EIF2D: variants seen among roughly 807,000 people sequenced by gnomAD.
EIF2D encodes the protein hepatocellular carcinoma-associated antigen 56.
EIF2D carries 56 observed loss-of-function variants against 77.4 expected under a neutral mutation model. That is an observed-to-expected ratio of 0.72 (90% CI 0.58 to 0.90). The LOEUF is 0.90. EIF2D is among the 40% of genes least tolerant of loss of function. EIF2D has a pLI of 0.00. For synonymous variants in EIF2D, 230 were observed against 271.0 expected, an observed-to-expected ratio of 0.85 and a Z score of 1.49; for missense variants, 574 against 706.5, an observed-to-expected ratio of 0.81 and a Z score of 2.13.
In EIF2D at chr1:206,599,415, G is replaced by C; in HGVS notation, c.1202+48C>G. 6.2e-7 allele frequency: 1 copy of C among 1,605,480 alleles called. No homozygotes were observed. Among genetic ancestry groups the C allele is most frequent in the Non-Finnish European group, 8.5e-7 (1 of 1,176,548 alleles). On this transcript the variant is annotated intron_variant, in intron 10 of 14. Coordinates refer to ENST00000271764, the MANE Select transcript of EIF2D (RefSeq NM_006893.3). The surrounding 1 kb of genome is among the most constrained non-coding windows in gnomAD (Gnocchi z 4.1). ...ACTACTCAGGTTGAGAGGAACTGTA[G>C]GCCAGAACACCAAGCAGGCAGAGAA... is the stretch of plus-strand genomic sequence containing the variant.
At chr1:206,602,685 G>A in intron 6 of EIF2D, 1 of 643,128 alleles carries the variant, frequency 1.6e-6, no homozygotes, top group Admixed American at 3.0e-5. Flanking sequence ...ACCCAGAGAA[G>A]TTGAGCCAGA....
chr1:206,605,155 A>G (rs1670139630), intron 5 of EIF2D: 1 of 365,754 alleles, frequency 2.7e-6, no homozygotes, highest in Admixed American at 4.2e-5. Context: ...AGAGCAGATG[A>G]TCCCTAAGGT....
At chr1:206,611,437 C>T (rs528382804) in intron 1 of EIF2D, 63 bp from the exon 2 acceptor site, 13 of 1,447,566 alleles carry the variant, frequency 9.0e-6, no homozygotes, top group African/African-American at 5.6e-5. Flanking sequence ...ATATCAAGAA[C>T]GAACTCAAAA....
At chr1:206,575,991 C>T (rs1553405129) in intron 4 of EIF2D, among the ~76,000 whole-genome samples, 1 of 152,180 alleles carries the variant, frequency 6.6e-6, no homozygotes, top group Non-Finnish European at 1.5e-5. Flanking sequence ...TCTTGCCCTC[C>T]CCTGCCACCC....
At chr1:206,582,465 G>T (rs1490693634) in intron 2 of EIF2D, among the ~76,000 whole-genome samples, 5 of 152,198 alleles carry the variant, frequency 3.3e-5, no homozygotes, top group African/African-American at 1.2e-4. Flanking sequence ...AGTCTCACCT[G>T]TAAGATGGGG....
rs569290611 is a variant in EIF2D at position 206,602,848 on chromosome 1, C to G, written c.784+103G>C. 8 of 1,490,520 alleles carry G rather than the reference C, an allele frequency of 5.4e-6. No homozygotes were observed. The African/African-American group carries it at 8.4e-5, about 16-fold the overall frequency. 92.3% of individuals were successfully genotyped at this position (1,490,520 alleles called of 1,614,324 possible). On this transcript the variant is annotated intron_variant, in intron 6 of 14. Transcript: ENST00000271764. Reference sequence around the variant, plus strand: ...AGAAAATAAGGACCTTCCCCTCCTCCCCCGGAAGCTTAAGGGCCATTCTAG... The same window carrying G: ...AGAAAATAAGGACCTTCCCCTCCTCGCCCGGAAGCTTAAGGGCCATTCTAG...
intron 4 of EIF2D, among the ~76,000 whole-genome samples, chr1:206,575,977 G>T (rs1668634073): frequency 1.3e-5 from 2 of 152,308 alleles, no homozygotes; most frequent in South Asian, 4.1e-4. Flanking sequence ...GACTCCCCAG[G>T]CTGTCTTGCC....
chr1:206,578,444 C>T (rs957659698), intron 4 of EIF2D, among the ~76,000 whole-genome samples: 8 of 151,940 alleles, frequency 5.3e-5, no homozygotes, highest in Admixed American at 1.3e-4. Flanking sequence ...GAATAGTGCA[C>T]GGTACATATT....
chr1:206,579,502 A>G lies in EIF2D; in HGVS notation c.*254+1190T>C, dbSNP rs1363787921. On this transcript the variant is annotated intron_variant and NMD_transcript_variant, in intron 4 of 5. Coordinates refer to the EIF2D transcript ENST00000472709. This position sits in a 1 kb window ranked among gnomAD's most constrained non-coding sequence, Gnocchi z 4.2. Reference sequence around the variant, plus strand: ...TATCGATCTCGCTCTCATGGCAGATAGTGCCTGTTAGGTAAACCTTTGGGG... The same window carrying G: ...TATCGATCTCGCTCTCATGGCAGATGGTGCCTGTTAGGTAAACCTTTGGGG... Among the ~76,000 whole-genome samples, 2 of 152,200 alleles carry G rather than the reference A, an allele frequency of 1.3e-5. No homozygotes were observed. Among genetic ancestry groups the G allele is most frequent in the Non-Finnish European group, 1.5e-5 (1 of 68,038 alleles).
chr1:206,574,338 C>T (rs1553404761), intron 4 of EIF2D, among the ~76,000 whole-genome samples: 1 of 152,206 alleles, frequency 6.6e-6, no homozygotes, highest in Non-Finnish European at 1.5e-5. Flanking sequence ...TCTCAGGTCA[C>T]CTGCAGACTC....
intron 14 of EIF2D, 53 bp downstream of exon 14, chr1:206,593,566 A>G: frequency 1.4e-6 from 2 of 1,440,264 alleles, no homozygotes; most frequent in Admixed American, 3.8e-5. Flanking sequence ...AGTTGGCAGG[A>G]AGGTCTTTGC....
chr1:206,602,209 T>C (rs1553411407), intron 7 of EIF2D, 127 bp downstream of exon 7: 2 of 673,780 alleles, frequency 3.0e-6, no homozygotes, highest in African/African-American at 3.6e-5. Context: ...CAGATAAGCC[T>C]TCCCTCCACT....
chr1:206,603,327 G>T, intron 5 of EIF2D, 123 bp from the exon 6 acceptor site: 1 of 1,345,240 alleles, frequency 7.4e-7, no homozygotes, highest in Non-Finnish European at 1.0e-6. Context: ...TGGCCAGGAG[G>T]GGGCAGAGAG....
In EIF2D at chr1:206,599,501, T is replaced by G; in HGVS notation, c.1164A>C (p.Pro388=). 2 of 1,613,888 alleles carry G rather than the reference T, an allele frequency of 1.2e-6. No homozygotes were observed. Among genetic ancestry groups the G allele is most frequent in the Non-Finnish European group, 1.7e-6 (2 of 1,179,900 alleles). Residue 388 remains proline, a synonymous_variant, in exon 10 of 15, where the codon CCA becomes CCC. Transcript: ENST00000271764. This position sits in a 1 kb window ranked among gnomAD's most constrained non-coding sequence, Gnocchi z 4.1. The part of the protein sequence containing the change: ...PPDIKPLYCV[P]ASMTLLFQES... ...CCTGGAAGAGCAGGGTCATGCTGGC[T>G]GGGACACAGTAGAGGGGTTTTATAT...
chr1:206,592,340 G>A lies in EIF2D; in HGVS notation c.1685-495C>T, dbSNP rs12075916. On this transcript the variant is annotated intron_variant, in intron 14 of 14. Coordinates refer to ENST00000271764, the MANE Select transcript of EIF2D (RefSeq NM_006893.3). The surrounding 1 kb of genome is among the most constrained non-coding windows in gnomAD (Gnocchi z 4.7). ...ATTAGCCAAGCTGCAGACATTAACC[G>A]GAAATATAAACACAATTGGAAAGTG... is the stretch of plus-strand genomic sequence containing the variant. Among the ~76,000 whole-genome samples the A allele has an allele frequency of 0.091, 13,835 of 152,240 alleles. 802 individuals carry two copies. Among genetic ancestry groups the A allele is most frequent in the African/African-American group, 0.16 (6,612 of 41,536 alleles).
At chr1:206,574,875 T>G (rs74446476) in intron 4 of EIF2D, among the ~76,000 whole-genome samples, 2 of 148,118 alleles carry the variant, frequency 1.4e-5, no homozygotes, top group African/African-American at 5.1e-5. Flanking sequence ...TTTTTTTTTT[T>G]TTGAGATGGA....
Position 206,591,682 on chromosome 1 carries a change from T to A in EIF2D, c.*93A>T. On this transcript the variant is annotated 3_prime_UTR_variant, in exon 15 of 15. Coordinates refer to ENST00000271764, the MANE Select transcript of EIF2D (RefSeq NM_006893.3). The stretch of plus-strand genomic sequence containing the variant: ...AAATTTATTTTTGTAAAGAATTATA[T>A]TTTGTATTTGCAAAAGCTGAAAATG... 1 of 1,131,848 alleles carries A rather than the reference T, an allele frequency of 8.8e-7. No individual in the cohort carries two copies. The highest frequency in any genetic ancestry group is 1.3e-6 in the Non-Finnish European group (1 of 756,250). 70.1% of individuals were successfully genotyped at this position (1,131,848 alleles called of 1,614,324 possible). A position where few individuals can be genotyped will look rare whatever the true frequency, so the allele number is the denominator to read the frequency against.
chr1:206,608,530 T>C (rs1179986059), intron 3 of EIF2D, among the ~76,000 whole-genome samples: 3 of 152,134 alleles, frequency 2.0e-5, no homozygotes, highest in Non-Finnish European at 1.5e-5. Context: ...AAATGAAAAA[T>C]GGCAACTTCA....
In EIF2D at chr1:206,599,887, A is replaced by C; in HGVS notation, c.949-51T>G. On this transcript the variant is annotated intron_variant, in intron 8 of 14. Coordinates refer to ENST00000271764, the MANE Select transcript of EIF2D (RefSeq NM_006893.3). The surrounding 1 kb of genome is among the most constrained non-coding windows in gnomAD (Gnocchi z 4.1). Reference sequence around the variant, plus strand: ...GGGACTTCATTGATTCCACACACATACTGAGCACCCAGGATGTGCCAGAGT... The same window carrying C: ...GGGACTTCATTGATTCCACACACATCCTGAGCACCCAGGATGTGCCAGAGT... The C allele has an allele frequency of 2.0e-6, 3 of 1,533,928 alleles. No homozygotes were observed. Among genetic ancestry groups the C allele is most frequent in the Non-Finnish European group, 2.7e-6 (3 of 1,110,088 alleles).
Sources: allele counts gnomAD v4.1 joint callset (sites outside exome capture counted in the v4.1 genomes callset), GRCh38; gene constraint gnomAD v4.1.1; non-coding constraint Gnocchi (gnomAD v3.1); transcripts MANE v1.5; gene names NCBI Gene and HGNC (gene_info 2026-07-23, HGNC 2026-07-21).